The following SNX20 variants were observed in gnomAD, a reference collection of about 807,000 sequenced individuals.
SNX20 encodes the protein sorting nexin-20.
SNX20 carries 21 observed loss-of-function variants against 24.5 expected under a neutral mutation model. That is an observed-to-expected ratio of 0.86 (90% CI 0.61 to 1.23). The LOEUF is 1.23. Ranked by LOEUF, SNX20 falls within the 50% of genes most tolerant of loss-of-function variation. SNX20 has a pLI of 0.00. For synonymous variants in SNX20, 206 were observed against 192.8 expected (o/e 1.07, Z -0.57); for missense variants, 433 against 430.8 (o/e 1.00, Z -0.04).
chr16:50,668,414 G>A (rs571647365), downstream of SNX20: 13 of 838,978 alleles, frequency 1.5e-5, no homozygotes, highest in Admixed American at 4.0e-4. Context: ...AGGTAAAAGC[G>A]GGTTAGGGTG....
downstream of SNX20, chr16:50,668,424 G>A: frequency 2.5e-6 from 2 of 805,048 alleles, no homozygotes; most frequent in East Asian, 5.9e-5. Context: ...GGGTTAGGGT[G>A]TAATAACAGT....
At chr16:50,674,203 T>C (rs975961302) in intron 3 of SNX20, 129 bp from the exon 4 acceptor site, 1 of 672,782 alleles carries the variant, frequency 1.5e-6, no homozygotes, top group Non-Finnish European at 2.1e-6. Context: ...TTATATGCAA[T>C]TGTTTGTTTG....
chr16:50,680,402 G>C (rs564502919), intron 1 of SNX20, among the ~76,000 whole-genome samples: 36 of 152,298 alleles, frequency 2.4e-4, no homozygotes, highest in Non-Finnish European at 4.7e-4. Context: ...CCAGGGGACA[G>C]AGCAGCTTCC....
At chr16:50,679,478 C>T (rs1031170324) in intron 1 of SNX20, among the ~76,000 whole-genome samples, 4 of 152,194 alleles carry the variant, frequency 2.6e-5, no homozygotes, top group Admixed American at 6.5e-5. Flanking sequence ...CAGGGACCCT[C>T]GATCCAACCT....
chr16:50,680,060 CA>C lies in SNX20; in HGVS notation c.-10+1129del, dbSNP rs1388866066. 4.6e-5 allele frequency among the ~76,000 whole-genome samples: 7 copies of C among 152,330 alleles called. No homozygotes were observed. In the East Asian group the frequency reaches 1.4e-3, roughly 29 times the overall value. On this transcript the variant is annotated intron_variant, in intron 1 of 3. Transcript: ENST00000330943. ...ATAAAACCAGGCCTTAGAATAAAATCAAATTCAGCAGCCACAGTCAGCTCCC... is the reference window on the plus strand; with the variant it reads ...ATAAAACCAGGCCTTAGAATAAAATCAATTCAGCAGCCACAGTCAGCTCCC...
rs377442363 is a variant in SNX20, at chr16:50,674,082, G to A, written c.283-8C>T. On this transcript the variant is annotated splice_region_variant and splice_polypyrimidine_tract_variant and intron_variant, in intron 3 of 3. Coordinates refer to ENST00000330943, the MANE Select transcript of SNX20 (RefSeq NM_182854.4). Reference sequence around the variant, plus strand: ...GACGATGATTTGGTACACCTAGGGCGCAACCAGAGAGAGCTGTGGCCACCT... The same window carrying A: ...GACGATGATTTGGTACACCTAGGGCACAACCAGAGAGAGCTGTGGCCACCT... The A allele has an allele frequency of 1.3e-6, 2 of 1,581,550 alleles. No individual in the cohort carries two copies. The highest frequency in any genetic ancestry group is 1.1e-5 in the South Asian group (1 of 86,968).
intron 2 of SNX20, 36 bp downstream of exon 2, chr16:50,677,361 C>A: frequency 6.5e-7 from 1 of 1,536,022 alleles, no homozygotes; most frequent in Non-Finnish European, 8.8e-7. Context: ...GTCTTCAGAC[C>A]TCTCCCCCAG....
rs7198294 is a variant in SNX20, at chr16:50,673,871, C to T, written c.486G>A (p.Gln162=). The change falls in exon 4 of 4, where the codon CAG becomes CAA. Residue 162 remains glutamine, a synonymous_variant. Transcript: ENST00000330943. This position sits in a 1 kb window ranked among gnomAD's most constrained non-coding sequence, Gnocchi z 4.1. ...TGGCGTAGAGCAGGCCCAGGTACTC[C>T]TGCAGGGCGCGCCGACGCTCACAGA... The part of the protein sequence containing the change: ...EMICERRRAL[Q]EYLGLLYAIR... 24,743 of 1,606,898 alleles carry T rather than the reference C, an allele frequency of 0.015. 3,159 individuals carry two copies. The African/African-American group carries it at 0.28, about 18-fold the overall frequency.
In SNX20 at chr16:50,673,762, C is replaced by T. The variant is rs1596793433; in HGVS notation, c.595G>A (p.Gly199Ser). Residue 199 changes from glycine (G) to serine (S), a missense_variant, in exon 4 of 4, where the codon GGC (glycine) becomes AGC (serine). Gly to Ser is a moderately conservative substitution (Grantham distance 56). Coordinates refer to ENST00000330943, the MANE Select transcript of SNX20 (RefSeq NM_182854.4). This position sits in a 1 kb window ranked among gnomAD's most constrained non-coding sequence, Gnocchi z 4.1. ...AGCTCCAGGGCGCGCGGGTACTGGC[C>T]GGCCCGCAGGCAGCCGAAAGCCTCG... The part of the protein sequence containing the change: ...LREAFGCLRA[G>S]QYPRALELLL... 1.3e-6 allele frequency: 2 copies of T among 1,524,452 alleles called. No individual in the cohort carries two copies. The highest frequency in any genetic ancestry group is 8.8e-7 in the Non-Finnish European group (1 of 1,142,522). The allele number at this position is 1,524,452 out of a possible 1,614,324, so 94.4% of individuals were successfully genotyped here.
At chr16:50,674,902 G>C (rs1007689080) in intron 3 of SNX20, among the ~76,000 whole-genome samples, 5 of 152,160 alleles carry the variant, frequency 3.3e-5, no homozygotes, top group African/African-American at 1.2e-4. Context: ...TCTGACTCCA[G>C]AGCCAGATTG....
Position 50,675,861 on chromosome 16 carries a change from C to T in SNX20, c.191G>A (p.Trp64Ter), listed in dbSNP as rs759752467. 6.2e-7 allele frequency: 1 copy of T among 1,613,462 alleles called. No individual in the cohort carries two copies. The highest frequency in any genetic ancestry group is 2.2e-5 in the East Asian group (1 of 44,856). Residue 64 changes from tryptophan (W) to a stop codon, truncating the protein, a stop_gained, in exon 3 of 4, where the codon TGG becomes TAG. Coordinates refer to ENST00000330943, the MANE Select transcript of SNX20 (RefSeq NM_182854.4). LOFTEE classifies it high-confidence loss of function. ...CTTCCAGCGGCATTTCTGGTTCTGC[C>T]AGTACTGCTGAAGCTCCCGCGTGGT... Reference protein sequence around the residue: ...SMTTRELQQYWQNQKCRWKHV... With the variant: ...SMTTRELQQY
At chr16:50,669,433 C>G (rs1198834253), downstream of SNX20, 27 of 359,346 alleles carry the variant, frequency 7.5e-5, no homozygotes, top group South Asian at 9.2e-4. Flanking sequence ...TGTAAACTAA[C>G]AGAGTGAGAA....
At chr16:50,668,161 C>A, downstream of SNX20, 1 of 1,539,218 alleles carries the variant, frequency 6.5e-7, no homozygotes. Flanking sequence ...GGAGCAAAGT[C>A]TCCAGGGTGC....
downstream of SNX20, chr16:50,669,437 G>T: frequency 3.0e-6 from 1 of 328,270 alleles, no homozygotes; most frequent in Non-Finnish European, 5.7e-6. Flanking sequence ...AACTAACAGA[G>T]TGAGAACTCA....
At chr16:50,675,734 T>C in intron 3 of SNX20, 36 bp downstream of exon 3, 1 of 1,607,070 alleles carries the variant, frequency 6.2e-7, no homozygotes, top group Non-Finnish European at 8.5e-7. Flanking sequence ...GGAAGCAGAG[T>C]GAAAGAGGCT....
intron 1 of SNX20, among the ~76,000 whole-genome samples, chr16:50,679,664 A>G (rs1423242106): frequency 6.6e-6 from 1 of 152,178 alleles, no homozygotes; most frequent in East Asian, 1.9e-4. Context: ...AAGTGCTTTA[A>G]TATCTCTAGG....
At position 50,673,961 on chromosome 16, in the gene SNX20, C is replaced by T. The variant is rs200406825; in HGVS notation, c.396G>A (p.Arg132=). The T allele has an allele frequency of 6.2e-7, 1 of 1,613,290 alleles. No homozygotes were observed. Among genetic ancestry groups the T allele is most frequent in the African/African-American group, 1.3e-5 (1 of 74,880 alleles). ...GAAACTCCACGTCTTCGATCTCCTC[C>T]CTGAACGTCTTCAGCAGCGCTTTCT... ...KLQKALLKTF[R]EEIEDVEFPR... Residue 132 remains arginine, a synonymous_variant, in exon 4 of 4, where the codon AGG becomes AGA. Coordinates refer to ENST00000330943, the MANE Select transcript of SNX20 (RefSeq NM_182854.4). This position sits in a 1 kb window ranked among gnomAD's most constrained non-coding sequence, Gnocchi z 4.1.
rs200327631 is a variant in SNX20, at chr16:50,673,402, C to G, written c.*4G>C. ...CCAGCGTCCCTGCGGGGTCCCAGGC[C>G]GGCTCAGTGCAGGTATTCTCGCACA... On this transcript the variant is annotated 3_prime_UTR_variant, in exon 4 of 4. Transcript: ENST00000330943. The surrounding 1 kb of genome is among the most constrained non-coding windows in gnomAD (Gnocchi z 4.1). 2.7e-6 allele frequency: 4 copies of G among 1,500,798 alleles called. No individual in the cohort carries two copies. The African/African-American group carries it at 5.8e-5, about 22-fold the overall frequency. The allele number at this position is 1,500,798 out of a possible 1,614,324, so 93.0% of individuals were successfully genotyped here.
rs1028119394 is a variant in SNX20 at position 50,677,323 on chromosome 16, C to A, written c.130+74G>T. 2.1e-5 allele frequency: 30 copies of A among 1,441,402 alleles called. No homozygotes were observed. In the Admixed American group the frequency reaches 2.2e-4, roughly 11 times the overall value. The allele number at this position is 1,441,402 out of a possible 1,614,324, so 89.3% of individuals were successfully genotyped here. ...TGCCCGGGCCTCTTGCTGCATCCCC[C>A]AAAGTGACCCACATTTGTACTTTGA... On this transcript the variant is annotated intron_variant, in intron 2 of 3. Coordinates refer to ENST00000330943, the MANE Select transcript of SNX20 (RefSeq NM_182854.4).
Sources: gnomAD v4.1 joint callset for allele counts (sites outside exome capture counted in the v4.1 genomes callset) on GRCh38, gnomAD v4.1.1 for gene constraint, Gnocchi (gnomAD v3.1) non-coding constraint, MANE v1.5 for transcripts, NCBI Gene and HGNC (gene_info 2026-07-23, HGNC 2026-07-21) for gene names.